PEAR1: variants seen among roughly 807,000 people sequenced by gnomAD.
The protein encoded by PEAR1 is multiple EGF-like domains protein 12.
In PEAR1, 113 loss-of-function variants were observed where a neutral mutation model predicts 131.2. The observed-to-expected ratio is 0.86, with a 90% CI of 0.74 to 1.01. The LOEUF is 1.01. Among genes scored for constraint, PEAR1 ranks in the 50% least tolerant of loss-of-function variants. The pLI is 0.00. For missense variants in PEAR1, 1,408 were observed against 1,391.1 expected (o/e 1.01, Z -0.19); for synonymous variants, 565 against 523.3 (o/e 1.08, Z -1.09).
In PEAR1 at chr1:156,900,877, A is replaced by G. The variant is rs941180348; in HGVS notation, c.-9-3041A>G. Reference sequence around the variant, plus strand: ...TTCACCCCCTTGAGGGGTATATGCAATCTCTTGGGTATATGCAATGGGCCC... The same window carrying G: ...TTCACCCCCTTGAGGGGTATATGCAGTCTCTTGGGTATATGCAATGGGCCC... On this transcript the variant is annotated intron_variant, in intron 1 of 22. Coordinates refer to ENST00000292357, the MANE Select transcript of PEAR1 (RefSeq NM_001080471.3). 5.9e-5 allele frequency among the ~76,000 whole-genome samples: 9 copies of G among 151,952 alleles called. No individual in the cohort carries two copies. In the South Asian group the frequency reaches 1.7e-3, roughly 28 times the overall value.
intron 2 of PEAR1, 141 bp from the exon 3 acceptor site, chr1:156,904,607 G>C: frequency 1.2e-6 from 1 of 815,400 alleles, no homozygotes; most frequent in Non-Finnish European, 2.0e-6. Flanking sequence ...CAGGATGGGG[G>C]TCCCATCCTA....
intron 18 of PEAR1, 58 bp from the exon 19 acceptor site, chr1:156,913,136 G>C: frequency 1.3e-6 from 2 of 1,576,846 alleles, no homozygotes; most frequent in Non-Finnish European, 1.7e-6. Context: ...GGACAAAACA[G>C]CTCTCTTGGA....
At chr1:156,913,571 C>A in intron 20 of PEAR1, 48 bp downstream of exon 20, 1 of 1,606,224 alleles carries the variant, frequency 6.2e-7, no homozygotes, top group Non-Finnish European at 8.5e-7. Context: ...ATGTGTGCAG[C>A]CCAGATGCCG....
At chr1:156,909,954 G>A (rs1181957348) in intron 12 of PEAR1, 40 bp downstream of exon 12, 9 of 1,611,898 alleles carry the variant, frequency 5.6e-6, no homozygotes, top group Non-Finnish European at 6.8e-6. Flanking sequence ...GGTGGGGAGG[G>A]CATGGCGTCC....
rs370401879 is a variant in PEAR1, at chr1:156,908,690, C to T, written c.1151C>T (p.Pro384Leu). Reference protein sequence around the residue: ...HPMNGECSCLPGWAGLHCNES... With the variant: ...HPMNGECSCLLGWAGLHCNES... ...ATGAACGGGGAGTGCTCCTGCCTGC[C>T]GGGCTGGGCGGGCCTCCACTGCAAC... Residue 384 changes from proline (P) to leucine (L), a missense_variant, in exon 10 of 23, where the codon CCG becomes CTG. Pro to Leu is a moderately conservative substitution (Grantham distance 98, BLOSUM62 -3). Transcript: ENST00000292357. The surrounding 1 kb of genome is among the most constrained non-coding windows in gnomAD (Gnocchi z 4.2). 48 of 1,536,350 alleles carry T rather than the reference C, an allele frequency of 3.1e-5. No homozygotes were observed. Among genetic ancestry groups the T allele is most frequent in the Non-Finnish European group, 4.0e-5 (46 of 1,146,308 alleles).
chr1:156,894,793 T>C (rs1193849485), intron 1 of PEAR1, among the ~76,000 whole-genome samples: 1 of 152,224 alleles, frequency 6.6e-6, no homozygotes, highest in Admixed American at 6.5e-5. Context: ...GAACAGCTTG[T>C]GCTGGCCTGA....
chr1:156,905,536 C>A, intron 4 of PEAR1, 112 bp downstream of exon 4: 2 of 961,040 alleles, frequency 2.1e-6, no homozygotes, highest in South Asian at 1.8e-5. Flanking sequence ...CTCCTCTGCC[C>A]TTTTGGGTTC....
chr1:156,905,106 C>A, intron 3 of PEAR1: 2 of 1,304,208 alleles, frequency 1.5e-6, no homozygotes, highest in Non-Finnish European at 2.1e-6. Flanking sequence ...GAAGGGAATG[C>A]TCTTTCTTTT....
rs937307466 is a variant in PEAR1 at position 156,907,000 on chromosome 1, G to T, written c.644+120G>T. On this transcript the variant is annotated intron_variant, in intron 6 of 22. Transcript: ENST00000292357. ...AGTGTGGGGATGATGTGGAGGCCAA[G>T]ATCCTGGTCCCAGTGGATCCTATTC... 13 of 1,409,190 alleles carry T rather than the reference G, an allele frequency of 9.2e-6. No homozygotes were observed. The East Asian group carries it at 3.0e-4, about 32-fold the overall frequency. 87.3% of individuals were successfully genotyped at this position (1,409,190 alleles called of 1,614,324 possible). A position where few individuals can be genotyped will look rare whatever the true frequency, so the allele number is the denominator to read the frequency against.
Position 156,912,280 on chromosome 1 carries a change from C to A in PEAR1, c.1985C>A (p.Ala662Asp). 6.2e-7 allele frequency: 1 copy of A among 1,613,856 alleles called. No homozygotes were observed. ...CCAGGACACTGGGGAGAAAACTGTGCCCAGACCTGCCAATGTCACCATGGT... is the reference window on the plus strand; with the variant it reads ...CCAGGACACTGGGGAGAAAACTGTGACCAGACCTGCCAATGTCACCATGGT... ...CPPGHWGENC[A>D]QTCQCHHGGT... Residue 662 changes from alanine (A) to aspartate (D), a missense_variant, in exon 16 of 23, where the codon GCC (alanine) becomes GAC (aspartate). Transcript: ENST00000292357.
intron 6 of PEAR1, among the ~76,000 whole-genome samples, chr1:156,907,370 G>T (rs558013948): frequency 6.6e-6 from 1 of 152,046 alleles, no homozygotes; most frequent in Non-Finnish European, 1.5e-5. Flanking sequence ...AGGTGGGGGC[G>T]CCCGAGAGGC....
At chr1:156,911,082 T>TTTC (rs1255664077) in intron 15 of PEAR1, among the ~76,000 whole-genome samples, 1 of 140,160 alleles carries the variant, frequency 7.1e-6, no homozygotes, top group Non-Finnish European at 1.5e-5. Context: ...TCTTTCTTTC[T>TTTC]TTCTTTCTTT....
rs754531948 is a variant in PEAR1, at chr1:156,906,857, C to A, written c.621C>A (p.Cys207Ter). The change falls in exon 6 of 23, where the codon TGC becomes TGA. Residue 207 changes from cysteine to a stop codon, truncating the protein, a stop_gained. Transcript: ENST00000292357. LOFTEE classifies it high-confidence loss of function. Reference sequence around the variant, plus strand: ...ATCCCCAGACTGGAGCCTGCTTCTGCCCCGCAGAGAGAACTGGGCCCAGGT... The same window carrying A: ...ATCCCCAGACTGGAGCCTGCTTCTGACCCGCAGAGAGAACTGGGCCCAGGT... ...PCDPQTGACF[C>*]PAERTGPSCD... 1 of 1,614,084 alleles carries A rather than the reference C, an allele frequency of 6.2e-7. No homozygotes were observed. Among genetic ancestry groups the A allele is most frequent in the Non-Finnish European group, 8.5e-7 (1 of 1,179,992 alleles).
Position 156,912,249 on chromosome 1 carries a change from T to G in PEAR1, c.1954T>G (p.Cys652Gly). Residue 652 changes from cysteine (C) to glycine (G), a missense_variant and splice_region_variant, in exon 16 of 23, where the codon TGC becomes GGC. Physicochemically the swap from Cys to Gly is radical, Grantham distance 159. Coordinates refer to ENST00000292357, the MANE Select transcript of PEAR1 (RefSeq NM_001080471.3). ...GACAGGCCCCATGTCTCCCGTAGCA[T>G]GCCCTCCAGGACACTGGGGAGAAAA... ...GWTGPDCSQP[C>G]PPGHWGENCA... 3 of 1,611,564 alleles carry G rather than the reference T, an allele frequency of 1.9e-6. No homozygotes were observed.
At chr1:156,911,037 T>TTTTCTTTC (rs71681254) in intron 15 of PEAR1, among the ~76,000 whole-genome samples, 6,889 of 113,100 alleles carry the variant, frequency 0.061, 339 homozygotes, top group Non-Finnish European at 0.075. Context: ...CTTGATTTCT[T>TTTTCTTTC]TTTCTTTCTT....
chr1:156,909,062 GA>G (rs1253259085), intron 11 of PEAR1, 26 bp downstream of exon 11: 5 of 1,612,976 alleles, frequency 3.1e-6, no homozygotes, highest in Non-Finnish European at 3.4e-6. Context: ...TTCCCAGAGA[GA>G]AGACTTGGGG....
intron 1 of PEAR1, among the ~76,000 whole-genome samples, chr1:156,899,382 C>CA: frequency 6.6e-6 from 1 of 152,098 alleles, no homozygotes; most frequent in South Asian, 2.1e-4. Context: ...TCTGCCTTGT[C>CA]AACCGCATCT....
At position 156,916,068 on chromosome 1, in the gene PEAR1, A is replaced by C. The variant is rs943100766; in HGVS notation, c.*1270A>C. 4 of 152,280 alleles carry C rather than the reference A, an allele frequency of 2.6e-5. No individual in the cohort carries two copies. The highest frequency in any genetic ancestry group is 9.6e-5 in the African/African-American group (4 of 41,458). The allele number at this position is 152,280 out of a possible 1,614,324, so 9.4% of individuals were successfully genotyped here. ...GTGCAGAGGCTGGAGAAAGGATAAC[A>C]GGAGAGAGTATACAGGCATGCCTTG... On this transcript the variant is annotated 3_prime_UTR_variant, in exon 23 of 23. Transcript: ENST00000292357.
chr1:156,901,565 C>T (rs1347346957), intron 1 of PEAR1, among the ~76,000 whole-genome samples: 1 of 152,214 alleles, frequency 6.6e-6, no homozygotes, highest in African/African-American at 2.4e-5. Context: ...AGAAGGATGG[C>T]TGGGGAGTCC....
Sources: gnomAD v4.1 joint callset for allele counts (sites outside exome capture counted in the v4.1 genomes callset) on GRCh38, gnomAD v4.1.1 for gene constraint, Gnocchi (gnomAD v3.1) non-coding constraint, MANE v1.5 for transcripts, NCBI Gene and HGNC (gene_info 2026-07-23, HGNC 2026-07-21) for gene names.